Variants in SHB observed in about 807,000 individuals in gnomAD.
SHB encodes SH2 domain-containing adapter protein B.
In SHB, 20 loss-of-function variants were observed where a neutral mutation model predicts 52.3. The ratio of observed to expected loss-of-function variants is 0.38; its 90% CI spans 0.27 to 0.56. SHB has a LOEUF of 0.56. SHB is among the 20% of genes least tolerant of loss of function. SHB has a pLI of 0.71. For missense variants in SHB, 825 were observed against 723.3 expected (o/e 1.14, Z -1.61); for synonymous variants, 397 against 316.5 (o/e 1.25, Z -2.70).
At chr9:38,007,377 G>A (rs1265659425) in intron 2 of SHB, among the ~76,000 whole-genome samples, 1 of 152,198 alleles carries the variant, frequency 6.6e-6, no homozygotes, top group Non-Finnish European at 1.5e-5. Flanking sequence ...CTTCCTTCAC[G>A]GAGCTCTCGG....
chr9:38,034,583 G>A (rs948273490), intron 1 of SHB, among the ~76,000 whole-genome samples: 2 of 152,234 alleles, frequency 1.3e-5, no homozygotes, highest in African/African-American at 4.8e-5. Context: ...TTCTCATTCT[G>A]TCCTCTGATC....
In SHB at chr9:38,068,424, G is replaced by A. The variant is rs766946746; in HGVS notation, c.222C>T (p.Ser74=). The change falls in exon 1 of 6, where the codon AGC becomes AGT. Residue 74 remains serine, a synonymous_variant. Transcript: ENST00000377707. ...CGCGGATGAGGTCGCTGGTGCTGCC[G>A]CTGTCGTCGGGCAGCGAGCCCGAAG... The part of the protein sequence containing the change: ...SASSGSLPDD[S]GSTSDLIRAY... 1.3e-4 allele frequency: 198 copies of A among 1,562,060 alleles called. No homozygotes were observed. The highest frequency in any genetic ancestry group is 1.6e-4 in the Non-Finnish European group (189 of 1,158,134).
intron 5 of SHB, among the ~76,000 whole-genome samples, chr9:37,941,262 A>G (rs1832431005): frequency 1.3e-5 from 2 of 152,204 alleles, no homozygotes; most frequent in Non-Finnish European, 2.9e-5. Context: ...GTCCATAATA[A>G]AGACATTTGA....
intron 5 of SHB, among the ~76,000 whole-genome samples, chr9:37,931,625 C>G (rs568751856): frequency 4.6e-5 from 7 of 152,346 alleles, no homozygotes; most frequent in African/African-American, 1.4e-4. Context: ...AAAGGAAACT[C>G]TTATACACTG....
intron 2 of SHB, among the ~76,000 whole-genome samples, chr9:38,015,647 T>C (rs1471800980): frequency 1.3e-5 from 2 of 152,212 alleles, no homozygotes; most frequent in African/African-American, 4.8e-5. Flanking sequence ...CCCTGCCTAC[T>C]ACGAAGCTCT....
At chr9:38,044,209 A>G (rs1057093973) in intron 1 of SHB, among the ~76,000 whole-genome samples, 33 of 152,326 alleles carry the variant, frequency 2.2e-4, no homozygotes, top group Admixed American at 1.4e-3. Context: ...AAGGGCAAAT[A>G]ATGGGGTGAG....
intron 5 of SHB, among the ~76,000 whole-genome samples, chr9:37,934,165 C>T (rs183742640): frequency 1.3e-5 from 2 of 152,302 alleles, no homozygotes; most frequent in Non-Finnish European, 1.5e-5. Flanking sequence ...TTGGGGTCTG[C>T]GGACCTCCTG....
At chr9:38,003,570 C>T (rs12345885) in intron 2 of SHB, among the ~76,000 whole-genome samples, 40,253 of 152,068 alleles carry the variant, frequency 0.26, 5,560 homozygotes, top group African/African-American at 0.33. Context: ...AGCCCCTGTG[C>T]TCGTTGCAGT....
At chr9:37,942,171 C>T (rs930469356) in intron 5 of SHB, among the ~76,000 whole-genome samples, 1 of 152,208 alleles carries the variant, frequency 6.6e-6, no homozygotes, top group African/African-American at 2.4e-5. Context: ...CAACCTCCTT[C>T]GGAGCTACAG....
chr9:38,015,942 G>C, intron 2 of SHB, 69 bp downstream of exon 2: 1 of 1,543,070 alleles, frequency 6.5e-7, no homozygotes, highest in Non-Finnish European at 8.9e-7. Flanking sequence ...GGACCACCCG[G>C]CAGTGCCCTC....
intron 2 of SHB, among the ~76,000 whole-genome samples, chr9:37,991,089 G>A (rs1023967900): frequency 6.6e-6 from 1 of 152,088 alleles, no homozygotes; most frequent in African/African-American, 2.4e-5. Flanking sequence ...ATTTTAAAAG[G>A]AAGTTGCAAA....
intron 2 of SHB, 48 bp from the exon 3 acceptor site, chr9:37,974,885 C>T: frequency 6.8e-7 from 1 of 1,474,366 alleles, no homozygotes; most frequent in Non-Finnish European, 9.5e-7. Flanking sequence ...TACTGCACTT[C>T]CTCACCTGCA....
At chr9:37,959,248 G>A (rs1258106276) in intron 3 of SHB, among the ~76,000 whole-genome samples, 1 of 152,126 alleles carries the variant, frequency 6.6e-6, no homozygotes, top group African/African-American at 2.4e-5. Flanking sequence ...GGAGGGTGAT[G>A]CCCCCATTGG....
At chr9:37,953,190 A>G (rs558398231) in intron 4 of SHB, among the ~76,000 whole-genome samples, 1 of 152,214 alleles carries the variant, frequency 6.6e-6, no homozygotes, top group East Asian at 1.9e-4. Flanking sequence ...ACCGGGGCAG[A>G]AAAAGGAGGC....
intron 1 of SHB, among the ~76,000 whole-genome samples, chr9:38,025,039 C>T (rs989253539): frequency 1.6e-4 from 25 of 152,080 alleles, no homozygotes; most frequent in African/African-American, 6.0e-4. Flanking sequence ...GGTAACCCAA[C>T]CCATGTTTCC....
intron 2 of SHB, among the ~76,000 whole-genome samples, chr9:37,996,532 C>T (rs1820948469): frequency 6.6e-6 from 1 of 152,232 alleles, no homozygotes; most frequent in Non-Finnish European, 1.5e-5. Flanking sequence ...TCAATGAACA[C>T]TTAGATGAGA....
At chr9:38,039,913 C>T (rs2118137178) in intron 1 of SHB, among the ~76,000 whole-genome samples, 1 of 152,354 alleles carries the variant, frequency 6.6e-6, no homozygotes, top group African/African-American at 2.4e-5. Flanking sequence ...CATGCCCTGC[C>T]CTCCATGAAT....
At chr9:38,017,585 G>A (rs749457020) in intron 1 of SHB, among the ~76,000 whole-genome samples, 13 of 152,180 alleles carry the variant, frequency 8.5e-5, no homozygotes, top group African/African-American at 2.7e-4. Flanking sequence ...AGCACACAGC[G>A]GTCACTGCTC....
Position 38,014,973 on chromosome 9 carries a change from C to A in SHB, c.838+1038G>T, listed in dbSNP as rs147687167. Among the ~76,000 whole-genome samples the A allele has an allele frequency of 8.4e-4, 128 of 152,296 alleles. 1 individual carries two copies. Among genetic ancestry groups the A allele is most frequent in the African/African-American group, 2.8e-3 (118 of 41,568 alleles). On this transcript the variant is annotated intron_variant, in intron 2 of 5. Transcript: ENST00000377707. ...TGCTCAAAGACAGGAATGCAAAAAACCAAACAAAAACCAGACAAACAATAA... is the reference window on the plus strand; with the variant it reads ...TGCTCAAAGACAGGAATGCAAAAAAACAAACAAAAACCAGACAAACAATAA...
Sources: allele counts gnomAD v4.1 joint callset (sites outside exome capture counted in the v4.1 genomes callset), GRCh38; gene constraint gnomAD v4.1.1; transcripts MANE v1.5; gene names NCBI Gene and HGNC (gene_info 2026-07-23, HGNC 2026-07-21).